APPL2: variants seen among roughly 807,000 people sequenced by gnomAD.
The protein encoded by APPL2 is DCC-interacting protein 13-beta.
In APPL2, 84 loss-of-function variants were observed where a neutral mutation model predicts 92.7. The ratio of observed to expected loss-of-function variants is 0.91; its 90% CI spans 0.76 to 1.09. The LOEUF (loss-of-function observed/expected upper bound fraction) is 1.09. Ranked by LOEUF, APPL2 falls within the 50% of genes least tolerant of loss-of-function variation. The pLI, the probability that APPL2 is intolerant of heterozygous loss-of-function variation, is 0.00. For synonymous variants in APPL2, 291 were observed against 291.0 expected, an observed-to-expected ratio of 1.00 and a Z score of 0.00; for missense variants, 736 against 824.5, an observed-to-expected ratio of 0.89 and a Z score of 1.31.
rs773817389 is a variant in APPL2 at position 105,190,091 on chromosome 12, T to C, written c.1306A>G (p.Ser436Gly). The change falls in exon 15 of 21, where the codon AGT becomes GGT. Residue 436 changes from serine (S) to glycine (G), a missense_variant. Coordinates refer to ENST00000258530, the MANE Select transcript of APPL2 (RefSeq NM_018171.5). The stretch of plus-strand genomic sequence containing the variant: ...ATCAGCTCCTCTGCTTCAGGTAGAC[T>C]GGCTGTTGCTTTGGGAACAATCTTG... ...NDKIVPKATA[S>G]LPEAEELIAP... 3.7e-6 allele frequency: 6 copies of C among 1,614,116 alleles called. No homozygotes were observed. Among genetic ancestry groups the C allele is most frequent in the Non-Finnish European group, 5.1e-6 (6 of 1,180,048 alleles).
At chr12:105,221,578 A>G (rs1890107211) in intron 2 of APPL2, among the ~76,000 whole-genome samples, 1 of 152,232 alleles carries the variant, frequency 6.6e-6, no homozygotes, top group African/African-American at 2.4e-5. Flanking sequence ...GCCCATAGAT[A>G]TGAACCTAAG....
intron 14 of APPL2, among the ~76,000 whole-genome samples, chr12:105,190,419 G>A (rs952515060): frequency 6.6e-6 from 1 of 152,110 alleles, no homozygotes; most frequent in Non-Finnish European, 1.5e-5. Context: ...ATCCTTCTCT[G>A]TGAGGCAGGT....
intron 7 of APPL2, 80 bp downstream of exon 7, chr12:105,207,891 C>T: frequency 7.5e-7 from 1 of 1,336,428 alleles, no homozygotes; most frequent in East Asian, 2.3e-5. Flanking sequence ...CGCACCCTTT[C>T]ATGCCATAAA....
chr12:105,186,953 TAA>T (rs1330674863), intron 17 of APPL2, among the ~76,000 whole-genome samples: 5 of 152,082 alleles, frequency 3.3e-5, no homozygotes, highest in African/African-American at 1.2e-4. Flanking sequence ...TTGAGTTTTA[TAA>T]GAGTTCTTTG....
At chr12:105,205,280 T>C (rs572374819) in intron 8 of APPL2, among the ~76,000 whole-genome samples, 5 of 152,286 alleles carry the variant, frequency 3.3e-5, no homozygotes, top group South Asian at 4.1e-4. Flanking sequence ...AAATAATGCA[T>C]AGGGAAAGGG....
chr12:105,232,491 G>A (rs377287026), intron 1 of APPL2, among the ~76,000 whole-genome samples: 2 of 152,242 alleles, frequency 1.3e-5, no homozygotes. Flanking sequence ...GGTGGAGGAA[G>A]AGAATGTCCT....
chr12:105,198,610 A>G (rs1229358552), intron 10 of APPL2, among the ~76,000 whole-genome samples: 1 of 152,192 alleles, frequency 6.6e-6, no homozygotes, highest in African/African-American at 2.4e-5. Context: ...AAACACATTT[A>G]CTTGGCTCAG....
chr12:105,222,318 T>C (rs540729301), intron 2 of APPL2, among the ~76,000 whole-genome samples: 4 of 151,290 alleles, frequency 2.6e-5, no homozygotes, highest in African/African-American at 9.7e-5. Context: ...AACACTGAAG[T>C]GGGAGAGAGA....
At position 105,196,425 on chromosome 12, in the gene APPL2, CTTTTTTTTTTTTTTT is replaced by C. The variant is rs59820038; in HGVS notation, c.1053-813_1053-799del. 2.2e-3 allele frequency among the ~76,000 whole-genome samples: 181 copies of C among 83,862 alleles called. 2 individuals are homozygous for C. The highest frequency in any genetic ancestry group is 5.8e-3 in the African/African-American group (143 of 24,844). 55.0% of individuals were successfully genotyped at this position (83,862 alleles called of 152,430 possible). A position where few individuals can be genotyped will look rare whatever the true frequency, so the allele number is the denominator to read the frequency against. On this transcript the variant is annotated intron_variant, in intron 11 of 20. Coordinates refer to ENST00000258530, the MANE Select transcript of APPL2 (RefSeq NM_018171.5). ...CCCTACCTTTGTGGAGGCGTTAACT[CTTTTTTTTTTTTTTT>C]TTTTTTTTTTTTTGATGGAGTTTTG...
intron 4 of APPL2, among the ~76,000 whole-genome samples, chr12:105,211,550 T>A (rs138186533): frequency 1.4e-3 from 220 of 152,148 alleles, no homozygotes; most frequent in African/African-American, 5.1e-3. Context: ...GCTAACAGAG[T>A]GTCTGGGCCC....
At chr12:105,216,674 G>A (rs139663915) in intron 4 of APPL2, among the ~76,000 whole-genome samples, 185 of 152,308 alleles carry the variant, frequency 1.2e-3, no homozygotes, top group African/African-American at 4.2e-3. Flanking sequence ...CGGAGCCAAC[G>A]GAAGCAGTGT....
At chr12:105,201,436 A>G (rs1316153183) in intron 9 of APPL2, among the ~76,000 whole-genome samples, 1 of 152,152 alleles carries the variant, frequency 6.6e-6, no homozygotes, top group Non-Finnish European at 1.5e-5. Context: ...GCCTGTCAAG[A>G]GCTCAGGGTC....
At chr12:105,202,941 A>C (rs568108646) in intron 9 of APPL2, among the ~76,000 whole-genome samples, 154 of 152,256 alleles carry the variant, frequency 1.0e-3, no homozygotes, top group African/African-American at 3.6e-3. Flanking sequence ...AAAATGAGCA[A>C]CTTTCTCTTC....
Position 105,174,314 on chromosome 12 carries a change from TTA to T in APPL2, c.1993_1994del (p.Ter665ThrfsTer29). 1 of 1,613,654 alleles carries T rather than the reference TTA, an allele frequency of 6.2e-7. No homozygotes were observed. Among genetic ancestry groups the T allele is most frequent in the Non-Finnish European group, 8.5e-7 (1 of 1,179,790 alleles). On this transcript the variant is annotated frameshift_variant and stop_lost, in exon 21 of 21. Transcript: ENST00000258530. LOFTEE classifies it high-confidence loss of function. ...CTCTTCCCCCACAGGCGCAAGTGAG[TTA>T]TGCTTCGGATTCTGCGCCTCTATGT... ...NEHRGAESEA* is the reference protein window; with the variant it reads ...NEHRGAESEAX
At chr12:105,214,438 C>G in intron 4 of APPL2, among the ~76,000 whole-genome samples, 1 of 152,246 alleles carries the variant, frequency 6.6e-6, no homozygotes, top group East Asian at 1.9e-4. Context: ...AAGGAAAACT[C>G]TTCCCCAACC....
chr12:105,178,854 A>G (rs1455809497), intron 17 of APPL2, among the ~76,000 whole-genome samples: 2 of 152,248 alleles, frequency 1.3e-5, no homozygotes, highest in Non-Finnish European at 2.9e-5. Flanking sequence ...ATAGATCATA[A>G]ACAGTTTTCC....
In APPL2 at chr12:105,229,136, A is replaced by G. The variant is rs1316967696; in HGVS notation, c.142T>C (p.Tyr48His). 6.2e-7 allele frequency: 1 copy of G among 1,611,736 alleles called. No individual in the cohort carries two copies. Among genetic ancestry groups the G allele is most frequent in the Non-Finnish European group, 8.5e-7 (1 of 1,179,294 alleles). ...GGGTGGCAGCATACCTGGGCTCCAT[A>G]GACGCGCTGCATTGCCTGGAGCAGC... Reference protein sequence around the residue: ...NQLLQAMQRVYGAQNEMCLAT... With the variant: ...NQLLQAMQRVHGAQNEMCLAT... Residue 48 changes from tyrosine (Y) to histidine (H), a missense_variant, in exon 2 of 21, where the codon TAT (tyrosine) becomes CAT (histidine). Physicochemically the swap from Tyr to His is moderately conservative, Grantham distance 83. Coordinates refer to ENST00000258530, the MANE Select transcript of APPL2 (RefSeq NM_018171.5).
At position 105,235,065 on chromosome 12, in the gene APPL2, C is replaced by T. The variant is rs1891149918; in HGVS notation, c.54+894G>A. ...CCAAAAGAGAGGGGAAAGTGTGAAA[C>T]GAAAATAGGTTAATCTTATTCTAAG... On this transcript the variant is annotated intron_variant, in intron 1 of 20. Coordinates refer to ENST00000258530, the MANE Select transcript of APPL2 (RefSeq NM_018171.5). Among the ~76,000 whole-genome samples, 4 of 152,082 alleles carry T rather than the reference C, an allele frequency of 2.6e-5. No individual in the cohort carries two copies. In the South Asian group the frequency reaches 6.2e-4, roughly 24 times the overall value.
chr12:105,191,749 A>G (rs1468275403), intron 14 of APPL2, among the ~76,000 whole-genome samples: 1 of 152,064 alleles, frequency 6.6e-6, no homozygotes, highest in Non-Finnish European at 1.5e-5. Flanking sequence ...AACACAGCTG[A>G]TCTCTCCTTG....
Sources: allele counts gnomAD v4.1 joint callset (sites outside exome capture counted in the v4.1 genomes callset), GRCh38; gene constraint gnomAD v4.1.1; transcripts MANE v1.5; gene names NCBI Gene and HGNC (gene_info 2026-07-23, HGNC 2026-07-21).